Variants in HDAC9 observed in about 807,000 individuals in gnomAD.
HDAC9 encodes the protein MEF-2 interacting transcription repressor (MITR) protein.
In HDAC9, 41 loss-of-function variants were observed where a neutral mutation model predicts 139.4. The observed-to-expected ratio is 0.29, with a 90% CI of 0.23 to 0.38. HDAC9 has a LOEUF of 0.38. HDAC9 is among the 10% of genes least tolerant of loss of function. The probability of loss-of-function intolerance (pLI) is 1.00; values close to 1 mark genes in which losing one functional copy is unlikely to be tolerated. For missense variants in HDAC9, 1,147 were observed against 1,297.0 expected (o/e 0.88, Z 1.78); for synonymous variants, 517 against 476.2 (o/e 1.09, Z -1.12).
At chr7:18,710,099 C>A (rs1371886112) in intron 12 of HDAC9, among the ~76,000 whole-genome samples, 3 of 152,180 alleles carry the variant, frequency 2.0e-5, no homozygotes, top group African/African-American at 7.2e-5. Flanking sequence ...TGGCAGCAGG[C>A]AAAAGAGCAT....
At chr7:18,165,266 T>G (rs1000326902) in intron 2 of HDAC9, among the ~76,000 whole-genome samples, 2 of 152,160 alleles carry the variant, frequency 1.3e-5, no homozygotes, top group Admixed American at 1.3e-4. Flanking sequence ...AAGAGTATCG[T>G]GTGGTAGCCT....
chr7:18,693,348 G>C (rs928698458), intron 12 of HDAC9, among the ~76,000 whole-genome samples: 1 of 152,106 alleles, frequency 6.6e-6, no homozygotes, highest in Non-Finnish European at 1.5e-5. Flanking sequence ...TTAATTATTA[G>C]ATACAGAAAA....
chr7:18,491,040 A>G (rs1270075157), upstream of HDAC9, among the ~76,000 whole-genome samples: 1 of 151,932 alleles, frequency 6.6e-6, no homozygotes, highest in Admixed American at 6.6e-5. Flanking sequence ...ATGATATATC[A>G]TTGTGGTAGA....
intron 2 of HDAC9, among the ~76,000 whole-genome samples, chr7:18,186,104 C>T (rs1789892435): frequency 6.6e-6 from 1 of 152,100 alleles, no homozygotes; most frequent in African/African-American, 2.4e-5. Flanking sequence ...GATGGAAAAC[C>T]AAGCCTTAGA....
chr7:18,954,390 T>C (rs911116861), intron 24 of HDAC9, 160 bp downstream of exon 24: 6 of 566,962 alleles, frequency 1.1e-5, no homozygotes, highest in East Asian at 3.1e-5. Context: ...GCAGCAATCT[T>C]ATCTTACACT....
At chr7:18,952,016 T>A (rs1028698126) in intron 23 of HDAC9, among the ~76,000 whole-genome samples, 1 of 151,900 alleles carries the variant, frequency 6.6e-6, no homozygotes, top group African/African-American at 2.4e-5. Flanking sequence ...AGAACCTACA[T>A]TGAGAAATTT....
At chr7:18,172,665 G>A (rs918192855) in intron 2 of HDAC9, among the ~76,000 whole-genome samples, 1 of 152,092 alleles carries the variant, frequency 6.6e-6, no homozygotes, top group Non-Finnish European at 1.5e-5. Context: ...TGTTCTCACT[G>A]GTTTCAAAGA....
At chr7:18,415,701 A>G (rs1042942954) in intron 1 of HDAC9, among the ~76,000 whole-genome samples, 1 of 152,344 alleles carries the variant, frequency 6.6e-6, no homozygotes, top group East Asian at 1.9e-4. Flanking sequence ...TGCAGTATCA[A>G]GGTTTTCTAG....
intron 1 of HDAC9, among the ~76,000 whole-genome samples, chr7:18,296,739 G>T (rs1798176572): frequency 6.6e-6 from 1 of 152,110 alleles, no homozygotes; most frequent in Non-Finnish European, 1.5e-5. Context: ...TGGCTTTGAG[G>T]CTTGGCACCA....
In HDAC9 at chr7:18,969,826, G is replaced by A. The variant is rs539618567; in HGVS notation, c.3023-5980G>A. Among the ~76,000 whole-genome samples the A allele has an allele frequency of 3.6e-3, 555 of 152,200 alleles. 3 individuals carry two copies. Among genetic ancestry groups the A allele is most frequent in the Non-Finnish European group, 5.2e-3 (351 of 67,970 alleles). ...AAAATTTTGAAGAGTCAAAAACAAC[G>A]AAAACTTTTTGACATTTAACTTATT... On this transcript the variant is annotated intron_variant, in intron 24 of 25. Coordinates refer to ENST00000686413, the MANE Select transcript of HDAC9 (RefSeq NM_178425.4).
intron 1 of HDAC9, among the ~76,000 whole-genome samples, chr7:18,331,025 G>T (rs1234832453): frequency 2.0e-5 from 3 of 151,608 alleles, no homozygotes; most frequent in African/African-American, 7.3e-5. Context: ...ATTAATAACT[G>T]GTTTCTCTGT....
intron 12 of HDAC9, among the ~76,000 whole-genome samples, chr7:18,692,094 C>A (rs1167239674): frequency 6.6e-6 from 1 of 151,992 alleles, no homozygotes; most frequent in Non-Finnish European, 1.5e-5. Context: ...TATTTCAGCC[C>A]CATTCACAGA....
At chr7:18,272,980 C>A (rs1796464146) in intron 2 of HDAC9, among the ~76,000 whole-genome samples, 1 of 149,140 alleles carries the variant, frequency 6.7e-6, no homozygotes, top group South Asian at 2.1e-4. Context: ...TCTTCCTCCT[C>A]TTTCTCCTCC....
chr7:18,982,678 C>T (rs1193642239), intron 25 of HDAC9, among the ~76,000 whole-genome samples: 1 of 152,144 alleles, frequency 6.6e-6, no homozygotes, highest in Non-Finnish European at 1.5e-5. Context: ...TTACTTTTAA[C>T]ACCGTCAATT....
At chr7:18,993,534 G>A (rs1380240788) in intron 25 of HDAC9, among the ~76,000 whole-genome samples, 1 of 152,144 alleles carries the variant, frequency 6.6e-6, no homozygotes, top group Non-Finnish European at 1.5e-5. Context: ...AGACATGGTG[G>A]CGTACCCCTG....
At chr7:18,821,354 A>C (rs1364763414) in intron 17 of HDAC9, among the ~76,000 whole-genome samples, 2 of 152,164 alleles carry the variant, frequency 1.3e-5, no homozygotes, top group Non-Finnish European at 2.9e-5. Context: ...TTCTCTGGTG[A>C]AATGATGTTG....
intron 22 of HDAC9, among the ~76,000 whole-genome samples, chr7:18,909,578 G>GAT (rs556678337): frequency 5.2e-4 from 79 of 152,148 alleles, no homozygotes; most frequent in African/African-American, 1.8e-3. Flanking sequence ...TATGGTGAGA[G>GAT]ATGGGAGTCT....
Position 18,964,965 on chromosome 7 carries a change from G to A in HDAC9, c.3022+10735G>A, listed in dbSNP as rs532608372. 4.6e-5 allele frequency among the ~76,000 whole-genome samples: 7 copies of A among 152,304 alleles called. No homozygotes were observed. The East Asian group carries it at 1.4e-3, about 29-fold the overall frequency. On this transcript the variant is annotated intron_variant, in intron 24 of 25. Transcript: ENST00000686413. ...TGAATGCAATTTGGTTTCCCATGTA[G>A]GGAAATTGAGATAAAATGGACTGGT...
intron 22 of HDAC9, among the ~76,000 whole-genome samples, chr7:18,883,279 A>C (rs983496151): frequency 4.6e-5 from 7 of 152,120 alleles, no homozygotes; most frequent in African/African-American, 1.7e-4. Flanking sequence ...GAGTCAGAAA[A>C]AAACGTCTCA....
Sources: allele counts gnomAD v4.1 joint callset (sites outside exome capture counted in the v4.1 genomes callset), GRCh38; gene constraint gnomAD v4.1.1; transcripts MANE v1.5; gene names NCBI Gene and HGNC (gene_info 2026-07-23, HGNC 2026-07-21).